GLYATL2: variants seen among roughly 807,000 people sequenced by gnomAD.
GLYATL2 encodes the protein glycine-N-acyltransferase like 2.
GLYATL2 carries 25 observed loss-of-function variants against 21.4 expected under a neutral mutation model. The observed-to-expected ratio is 1.17, with a 90% CI of 0.85 to 1.63. GLYATL2 has a LOEUF of 1.63. Ranked by LOEUF, GLYATL2 falls within the 40% of genes most tolerant of loss-of-function variation. The probability of loss-of-function intolerance (pLI) is 0.00; values close to 1 mark genes in which losing one functional copy is unlikely to be tolerated. For synonymous variants in GLYATL2, 114 were observed against 118.2 expected, an observed-to-expected ratio of 0.96 and a Z score of 0.23; for missense variants, 361 against 343.3, an observed-to-expected ratio of 1.05 and a Z score of -0.41.
chr11:58,865,601 T>C (rs1285198188), intron 1 of GLYATL2, among the ~76,000 whole-genome samples: 1 of 149,114 alleles, frequency 6.7e-6, no homozygotes, highest in African/African-American at 2.4e-5. Context: ...TATGCAATCA[T>C]GTGTCCAGTT....
At chr11:58,879,128 T>A (rs1854288610) in intron 1 of GLYATL2, among the ~76,000 whole-genome samples, 1 of 152,138 alleles carries the variant, frequency 6.6e-6, no homozygotes, top group African/African-American at 2.4e-5. Context: ...AAAATAGCAT[T>A]TATTCTGTTT....
chr11:58,851,833 T>C (rs1479564387), intron 1 of GLYATL2, among the ~76,000 whole-genome samples: 1 of 152,038 alleles, frequency 6.6e-6, no homozygotes, highest in Non-Finnish European at 1.5e-5. Context: ...AAAAACATGG[T>C]TGGGAGGAAG....
rs1268554260 is a variant in GLYATL2, at chr11:58,865,414, C to T, written n.61-27046G>A. ...CCAGGCTAGAAGGAGAGAAAAGTTT[C>T]CAGATCAAATATTTGTGTAAACTAA... is the stretch of plus-strand genomic sequence containing the variant. On this transcript the variant is annotated intron_variant and non_coding_transcript_variant, in intron 1 of 4. Transcript: ENST00000533636. 1.3e-5 allele frequency among the ~76,000 whole-genome samples: 2 copies of T among 148,934 alleles called. 1 individual carries two copies. Among genetic ancestry groups the T allele is most frequent in the East Asian group, 4.5e-4 (2 of 4,494 alleles).
intron 1 of GLYATL2, among the ~76,000 whole-genome samples, chr11:58,886,542 T>C (rs117911235): frequency 2.6e-3 from 393 of 152,320 alleles, no homozygotes; most frequent in Non-Finnish European, 4.4e-3. Context: ...GAGGATCTTC[T>C]TCAGAGGATT....
intron 1 of GLYATL2, among the ~76,000 whole-genome samples, chr11:58,880,803 C>A (rs553098092): frequency 6.6e-6 from 1 of 152,142 alleles, no homozygotes; most frequent in Non-Finnish European, 1.5e-5. Context: ...CAAAAGGATG[C>A]CTTTGTTTAA....
chr11:58,900,734 T>C (rs183887860), intron 1 of GLYATL2, among the ~76,000 whole-genome samples: 1 of 152,240 alleles, frequency 6.6e-6, no homozygotes, highest in African/African-American at 2.4e-5. Context: ...TGTCCCAGCA[T>C]CTCCCACGCC....
At chr11:58,852,692 T>C (rs1853762919) in intron 1 of GLYATL2, among the ~76,000 whole-genome samples, 1 of 152,222 alleles carries the variant, frequency 6.6e-6, no homozygotes, top group African/African-American at 2.4e-5. Context: ...ATTCTTCTTC[T>C]AATTGCCATC....
intron 1 of GLYATL2, among the ~76,000 whole-genome samples, chr11:58,874,462 G>C (rs1854188540): frequency 1.3e-5 from 2 of 152,180 alleles, no homozygotes; most frequent in Non-Finnish European, 2.9e-5. Context: ...TGCTTTGAAT[G>C]TGTCCCAGAG....
intron 2 of GLYATL2, 109 bp downstream of exon 2, chr11:58,839,426 T>C: frequency 1.7e-6 from 1 of 605,854 alleles, no homozygotes; most frequent in East Asian, 2.7e-5. Context: ...TTGCACAGAT[T>C]CTCACTTTAG....
intron 1 of GLYATL2, among the ~76,000 whole-genome samples, chr11:58,840,255 A>G (rs1285892840): frequency 6.6e-6 from 1 of 152,164 alleles, no homozygotes; most frequent in Non-Finnish European, 1.5e-5. Context: ...TAGCAACCTT[A>G]AAAATAGACC....
intron 1 of GLYATL2, among the ~76,000 whole-genome samples, chr11:58,877,393 T>C (rs1355520916): frequency 6.6e-6 from 1 of 152,222 alleles, no homozygotes; most frequent in Non-Finnish European, 1.5e-5. Context: ...ACTGGAGCTG[T>C]TCCTTTTCAG....
intron 1 of GLYATL2, among the ~76,000 whole-genome samples, chr11:58,899,663 G>A (rs1854700721): frequency 6.6e-6 from 1 of 152,136 alleles, no homozygotes; most frequent in Admixed American, 6.5e-5. Context: ...AGCGGGTTAG[G>A]GTTGCAGTCT....
chr11:58,899,965 A>C (rs1019572410), intron 1 of GLYATL2, among the ~76,000 whole-genome samples: 3 of 151,272 alleles, frequency 2.0e-5, no homozygotes, highest in Non-Finnish European at 2.9e-5. Context: ...CTGTATTTTC[A>C]GAGTCCATCG....
intron 1 of GLYATL2, among the ~76,000 whole-genome samples, chr11:58,853,852 C>T (rs1432910470): frequency 6.6e-6 from 1 of 152,044 alleles, no homozygotes; most frequent in Non-Finnish European, 1.5e-5. Flanking sequence ...TAACAATTTT[C>T]ATAAAATAGT....
At position 58,838,333 on chromosome 11, in the gene GLYATL2, GT is replaced by G. The variant is rs1853479150; in HGVS notation, c.113del (p.Asn38ThrfsTer9). The G allele has an allele frequency of 6.2e-7, 1 of 1,613,152 alleles. No homozygotes were observed. The highest frequency in any genetic ancestry group is 1.3e-5 in the African/African-American group (1 of 74,974). ...CTACCAGCACCTCCATGTTGAAAGG[GT>G]TTTTATCTTTTATGTTGAAAATGGC... ...YGAIFNIKDK[N>X]PFNMEVLVDA... On this transcript the variant is annotated frameshift_variant, in exon 3 of 6. Coordinates refer to ENST00000287275, the MANE Select transcript of GLYATL2 (RefSeq NM_145016.4). LOFTEE classifies it high-confidence loss of function.
intron 1 of GLYATL2, among the ~76,000 whole-genome samples, chr11:58,883,039 G>A (rs994527544): frequency 1.3e-5 from 2 of 152,122 alleles, no homozygotes; most frequent in African/African-American, 4.8e-5. Context: ...GGCAATGCAG[G>A]TTCTTTTTTG....
At chr11:58,838,215 C>A (rs368133507) in intron 3 of GLYATL2, 46 bp downstream of exon 3, 2 of 1,234,708 alleles carry the variant, frequency 1.6e-6, no homozygotes, top group Non-Finnish European at 2.4e-6. Flanking sequence ...ATGCAGAGAA[C>A]GTCTGGAGAG....
chr11:58,906,023 A>C (rs1235585696), upstream of GLYATL2, among the ~76,000 whole-genome samples: 2 of 152,304 alleles, frequency 1.3e-5, no homozygotes, highest in East Asian at 3.9e-4. Flanking sequence ...TTCAGCTTAG[A>C]CAGGCAAGAG....
chr11:58,872,858 C>T (rs1195216587), intron 1 of GLYATL2, among the ~76,000 whole-genome samples: 2 of 152,176 alleles, frequency 1.3e-5, no homozygotes, highest in East Asian at 3.8e-4. Flanking sequence ...GGCATTGAAT[C>T]TATAAATTAC....
Sources: allele counts gnomAD v4.1 joint callset (sites outside exome capture counted in the v4.1 genomes callset), GRCh38; gene constraint gnomAD v4.1.1; transcripts MANE v1.5; gene names NCBI Gene and HGNC (gene_info 2026-07-23, HGNC 2026-07-21).